EPM2A: variants seen among roughly 807,000 people sequenced by gnomAD.
EPM2A encodes EPM2A glucan phosphatase, laforin, also known as laforin.
A neutral mutation model predicts 26.5 loss-of-function variants in EPM2A; 21 were observed. That is an observed-to-expected ratio of 0.79 (90% CI 0.56 to 1.14). The LOEUF is 1.14. EPM2A is among the 50% of genes most tolerant of loss of function. The pLI, the probability that EPM2A is intolerant of heterozygous loss-of-function variation, is 0.00. For missense variants in EPM2A, 458 were observed against 440.8 expected (o/e 1.04, Z -0.35); for synonymous variants, 217 against 177.6 (o/e 1.22, Z -1.76).
At chr6:145,448,650 T>G (rs769060140) in intron 4 of EPM2A, among the ~76,000 whole-genome samples, 10 of 152,172 alleles carry the variant, frequency 6.6e-5, no homozygotes, top group Non-Finnish European at 1.0e-4. Context: ...ATCAGCTACA[T>G]CTACAGCTAG....
At chr6:145,541,174 T>C (rs1780504033) in intron 2 of EPM2A, among the ~76,000 whole-genome samples, 2 of 67,072 alleles carry the variant, frequency 3.0e-5, no homozygotes, top group African/African-American at 9.6e-5. Context: ...GGAATATATA[T>C]ATCTGTGTGT....
chr6:145,567,396 C>T (rs907428608), intron 2 of EPM2A, among the ~76,000 whole-genome samples: 5 of 152,148 alleles, frequency 3.3e-5, no homozygotes, highest in African/African-American at 1.2e-4. Context: ...CCTAAAACAA[C>T]AAAAGTTTCT....
At chr6:145,714,767 T>A (rs550021806) in intron 1 of EPM2A, among the ~76,000 whole-genome samples, 49 of 152,246 alleles carry the variant, frequency 3.2e-4, no homozygotes, top group Non-Finnish European at 5.9e-4. Flanking sequence ...TCTAAAGCCA[T>A]CAGATCTCAT....
At chr6:145,600,865 T>C (rs1223129504) in intron 2 of EPM2A, among the ~76,000 whole-genome samples, 2 of 152,192 alleles carry the variant, frequency 1.3e-5, no homozygotes, top group Non-Finnish European at 2.9e-5. Flanking sequence ...GTGTCTTTCA[T>C]GGATGGCTTC....
chr6:145,677,175 A>G (rs1405560073), intron 2 of EPM2A, among the ~76,000 whole-genome samples: 1 of 152,210 alleles, frequency 6.6e-6, no homozygotes, highest in Non-Finnish European at 1.5e-5. Flanking sequence ...AGAACCAATG[A>G]AAAAAACCAC....
chr6:145,435,488 T>A (rs977617051), intron 4 of EPM2A, among the ~76,000 whole-genome samples: 17 of 150,618 alleles, frequency 1.1e-4, no homozygotes, highest in South Asian at 4.2e-4. Flanking sequence ...CATAATTTTT[T>A]AAATTTTAAT....
At chr6:145,592,175 G>A (rs914424827) in intron 2 of EPM2A, among the ~76,000 whole-genome samples, 2 of 95,974 alleles carry the variant, frequency 2.1e-5, no homozygotes. Context: ...CCCACCCCAT[G>A]ACAGGCCCAG....
At chr6:145,657,064 G>GA (rs1488945303) in intron 2 of EPM2A, among the ~76,000 whole-genome samples, 2 of 147,416 alleles carry the variant, frequency 1.4e-5, no homozygotes, top group Non-Finnish European at 3.0e-5. Flanking sequence ...TTATAATAAG[G>GA]AAAAAAATAA....
intron 2 of EPM2A, among the ~76,000 whole-genome samples, chr6:145,605,828 A>C (rs1334413224): frequency 1.3e-5 from 2 of 152,170 alleles, no homozygotes; most frequent in African/African-American, 4.8e-5. Context: ...TTTCAGACTC[A>C]GTAGAAATAA....
chr6:145,516,859 G>T (rs1349186715), intron 2 of EPM2A, among the ~76,000 whole-genome samples: 1 of 152,130 alleles, frequency 6.6e-6, no homozygotes, highest in Admixed American at 6.6e-5. Context: ...TTATCCAAAA[G>T]AATTGAAATC....
intron 2 of EPM2A, among the ~76,000 whole-genome samples, chr6:145,582,513 A>G (rs1781129638): frequency 6.6e-6 from 1 of 152,210 alleles, no homozygotes; most frequent in Non-Finnish European, 1.5e-5. Context: ...GATTTCTGCT[A>G]AATGGTCCAC....
At chr6:145,686,052 A>C in intron 2 of EPM2A, 70 bp downstream of exon 2, 17 of 1,426,770 alleles carry the variant, frequency 1.2e-5, no homozygotes, top group Non-Finnish European at 1.7e-5. Flanking sequence ...CGAACACAGT[A>C]AATATTTCCA....
intron 4 of EPM2A, among the ~76,000 whole-genome samples, chr6:145,420,728 A>T (rs1778770496): frequency 1.3e-5 from 2 of 152,156 alleles, no homozygotes; most frequent in Admixed American, 6.6e-5. Context: ...AGAATACCTG[A>T]GACTAGTTAC....
chr6:145,610,857 T>C (rs138451626), intron 2 of EPM2A, among the ~76,000 whole-genome samples: 39 of 152,332 alleles, frequency 2.6e-4, no homozygotes, highest in Middle Eastern at 3.4e-3. Context: ...CTGTATCCTT[T>C]TGTGTGTAAG....
intron 2 of EPM2A, among the ~76,000 whole-genome samples, chr6:145,659,322 T>C (rs1778519338): frequency 6.6e-6 from 1 of 152,160 alleles, no homozygotes; most frequent in African/African-American, 2.4e-5. Flanking sequence ...TGAAACTTTA[T>C]TCTTTAATAA....
At chr6:145,494,575 T>G (rs1779794125) in intron 4 of EPM2A, among the ~76,000 whole-genome samples, 1 of 152,246 alleles carries the variant, frequency 6.6e-6, no homozygotes, top group African/African-American at 2.4e-5. Context: ...AGTTGGGACG[T>G]TAGGTTGTTA....
chr6:145,675,187 G>A (rs1483139041), intron 2 of EPM2A, among the ~76,000 whole-genome samples: 5 of 152,136 alleles, frequency 3.3e-5, no homozygotes, highest in Non-Finnish European at 4.4e-5. Context: ...CCCAAACTAA[G>A]CTTCATAAGT....
chr6:145,634,047 G>A (rs188032006), intron 3 of EPM2A, among the ~76,000 whole-genome samples: 31 of 152,286 alleles, frequency 2.0e-4, no homozygotes, highest in Middle Eastern at 3.4e-3. Flanking sequence ...GCTTAGGAGA[G>A]TGTTTTGTAC....
intron 4 of EPM2A, among the ~76,000 whole-genome samples, chr6:145,412,891 G>C (rs1372671728): frequency 6.6e-6 from 1 of 152,172 alleles, no homozygotes; most frequent in Non-Finnish European, 1.5e-5. Flanking sequence ...AGAATGAGGG[G>C]AAGGCATCTG....
Sources: allele counts gnomAD v4.1 joint callset (sites outside exome capture counted in the v4.1 genomes callset), GRCh38; gene constraint gnomAD v4.1.1; transcripts MANE v1.5; gene names NCBI Gene and HGNC (gene_info 2026-07-23, HGNC 2026-07-21).